Variants in SNX31 observed in about 807,000 individuals in gnomAD.
SNX31 encodes sorting nexin 31.
Under a neutral mutation model 65.4 loss-of-function variants are expected in SNX31, and 58 were observed. The observed-to-expected ratio is 0.89, with a 90% confidence interval of 0.72 to 1.10. The LOEUF is 1.10. Ranked by LOEUF, SNX31 falls within the 50% of genes least tolerant of loss-of-function variation. The pLI, the probability that SNX31 is intolerant of heterozygous loss-of-function variation, is 0.00. For synonymous variants in SNX31, 181 were observed against 190.1 expected, an observed-to-expected ratio of 0.95 and a Z score of 0.39; for missense variants, 523 against 529.7, an observed-to-expected ratio of 0.99 and a Z score of 0.12.
At position 100,635,912 on chromosome 8, in the gene SNX31, G is replaced by A; in HGVS notation, c.241C>T (p.Gln81Ter). 1 of 1,612,818 alleles carries A rather than the reference G, an allele frequency of 6.2e-7. No homozygotes were observed. Residue 81 changes from glutamine (Q) to a stop codon, truncating the protein, a stop_gained, in exon 3 of 14, where the codon CAA (glutamine) becomes TAA (stop). Transcript: ENST00000311812. LOFTEE classifies it high-confidence loss of function. ...AAATACATACCATTTTGCAAATATT[G>A]TTCCAGTTGGTCCCTCCTCTCATCA... ...MADERRDQLE[Q>*]YLQNVTMDPN...
upstream of SNX31, among the ~76,000 whole-genome samples, chr8:100,651,895 G>C (rs115921245): frequency 8.8e-3 from 1,346 of 152,342 alleles, 22 homozygotes; most frequent in African/African-American, 0.031. Flanking sequence ...TCTGCCTCTA[G>C]AGCCTGTGCT....
chr8:100,587,311 T>A (rs931299409), intron 11 of SNX31, among the ~76,000 whole-genome samples: 6 of 152,154 alleles, frequency 3.9e-5, no homozygotes, highest in African/African-American at 1.4e-4. Flanking sequence ...AATCCAAAAG[T>A]CCAAAATGTG....
intron 12 of SNX31, among the ~76,000 whole-genome samples, chr8:100,582,784 T>A (rs954168915): frequency 5.3e-5 from 8 of 151,628 alleles, no homozygotes; most frequent in African/African-American, 1.9e-4. Context: ...GAGACCATCC[T>A]GGCTAACGTG....
At chr8:100,658,574 C>T (rs1254114326) in intron 1 of SNX31, among the ~76,000 whole-genome samples, 1 of 152,160 alleles carries the variant, frequency 6.6e-6, no homozygotes, top group African/African-American at 2.4e-5. Context: ...ACACAACAAC[C>T]CTATGAAATA....
chr8:100,603,138 T>C (rs1815801790), intron 8 of SNX31, among the ~76,000 whole-genome samples: 1 of 152,194 alleles, frequency 6.6e-6, no homozygotes, highest in Non-Finnish European at 1.5e-5. Flanking sequence ...ACCCCAAGGC[T>C]TTCTCTGTGT....
chr8:100,652,646 G>T (rs916580792), upstream of SNX31, among the ~76,000 whole-genome samples: 1 of 151,956 alleles, frequency 6.6e-6, no homozygotes, highest in South Asian at 2.1e-4. Flanking sequence ...TCATCTACTT[G>T]GTGTGTAATC....
upstream of SNX31, among the ~76,000 whole-genome samples, chr8:100,652,464 C>T (rs758484452): frequency 3.2e-4 from 49 of 152,062 alleles, no homozygotes; most frequent in Admixed American, 7.2e-4. Flanking sequence ...ATGAGCCAGG[C>T]GCTGCAGTGA....
intron 10 of SNX31, among the ~76,000 whole-genome samples, chr8:100,589,816 G>A (rs1005387260): frequency 1.3e-5 from 2 of 152,186 alleles, no homozygotes; most frequent in African/African-American, 2.4e-5. Context: ...TAGTAATGGA[G>A]TCTCAAATAC....
At position 100,620,546 on chromosome 8, in the gene SNX31, C is replaced by G. The variant is rs1044433870; in HGVS notation, c.322-2816G>C. 4.6e-4 allele frequency among the ~76,000 whole-genome samples: 70 copies of G among 152,158 alleles called. 3 individuals carry two copies. Among genetic ancestry groups the G allele is most frequent in the Admixed American group, 4.6e-3 (70 of 15,280 alleles). On this transcript the variant is annotated intron_variant, in intron 4 of 13. Transcript: ENST00000311812. The stretch of plus-strand genomic sequence containing the variant: ...GAGAAAATCTGCTCTCTTCTACATT[C>G]AAAGGATTAGTCCAAAAAAAGCACT...
rs10598981 is a variant in SNX31 at position 100,645,606 on chromosome 8, A to ATTT, written c.141+3665_141+3667dup. Among the ~76,000 whole-genome samples, 909 of 106,686 alleles carry ATTT rather than the reference A, an allele frequency of 8.5e-3. 38 individuals carry two copies. Among genetic ancestry groups the ATTT allele is most frequent in the African/African-American group, 0.03 (778 of 25,568 alleles). 70.0% of individuals were successfully genotyped at this position (106,686 alleles called of 152,430 possible). On this transcript the variant is annotated intron_variant, in intron 2 of 13. Transcript: ENST00000311812. ...TCTAGCAACCCTACTCAGACTCTTC[A>ATTT]TTTTTTTTTTTTTTTTTTTTTTTGA...
chr8:100,600,390 G>T lies in SNX31; in HGVS notation c.733C>A (p.Gln245Lys), dbSNP rs543708490. 6.2e-7 allele frequency: 1 copy of T among 1,613,612 alleles called. No homozygotes were observed. The highest frequency in any genetic ancestry group is 1.3e-5 in the African/African-American group (1 of 74,964). The change falls in exon 9 of 14, where the codon CAG becomes AAG. Residue 245 changes from glutamine (Q) to lysine (K), a missense_variant. By Grantham distance (53) the Gln-to-Lys change is moderately conservative. Transcript: ENST00000311812. ...TCTTTCTGGAAAGCTTCTAATTTCTGCCTCTGTGCCTGTGTGGGTTTGGCC... is the reference window on the plus strand; with the variant it reads ...TCTTTCTGGAAAGCTTCTAATTTCTTCCTCTGTGCCTGTGTGGGTTTGGCC... Reference protein sequence around the residue: ...GWAKPTQAQRQKLEAFQKEDS... With the variant: ...GWAKPTQAQRKKLEAFQKEDS...
chr8:100,661,948 C>T (rs1027235433), intron 1 of SNX31, among the ~76,000 whole-genome samples: 5 of 152,124 alleles, frequency 3.3e-5, no homozygotes, highest in African/African-American at 4.8e-5. Context: ...CCTCAGCCTC[C>T]GGAGTAGCTG....
intron 2 of SNX31, among the ~76,000 whole-genome samples, chr8:100,641,235 T>G (rs1343360501): frequency 2.0e-5 from 3 of 151,944 alleles, no homozygotes; most frequent in East Asian, 1.9e-4. Flanking sequence ...GATCCTCATC[T>G]CTCATTTAAA....
At chr8:100,617,164 T>C (rs570327846) in intron 5 of SNX31, among the ~76,000 whole-genome samples, 1 of 152,196 alleles carries the variant, frequency 6.6e-6, no homozygotes, top group South Asian at 2.1e-4. Context: ...TTAGCCCTGA[T>C]GGAGCACTGG....
chr8:100,641,842 G>T (rs1176831892), intron 2 of SNX31, among the ~76,000 whole-genome samples: 1 of 150,518 alleles, frequency 6.6e-6, no homozygotes, highest in Non-Finnish European at 1.5e-5. Context: ...ACTTTGGGAG[G>T]CCGAGGCGGG....
intron 5 of SNX31, among the ~76,000 whole-genome samples, chr8:100,616,130 G>A (rs1586961586): frequency 6.6e-6 from 1 of 152,242 alleles, no homozygotes; most frequent in East Asian, 1.9e-4. Context: ...AAACTTATGG[G>A]ACCACCATTG....
rs1418616224 is a variant in SNX31 at position 100,610,197 on chromosome 8, C to T, written c.612-1634G>A. ...ATGCTGGCTAATAATTTGGGGTAGA[C>T]GTTTTCTCTTGCACGTATCATCTAG... On this transcript the variant is annotated intron_variant, in intron 7 of 13. Coordinates refer to ENST00000311812, the MANE Select transcript of SNX31 (RefSeq NM_152628.4). The surrounding 1 kb of genome is among the most constrained non-coding windows in gnomAD (Gnocchi z 4.0). 3.9e-5 allele frequency among the ~76,000 whole-genome samples: 6 copies of T among 152,146 alleles called. No individual in the cohort carries two copies. The highest frequency in any genetic ancestry group is 7.4e-5 in the Non-Finnish European group (5 of 68,014).
chr8:100,656,665 A>AAC (rs1820058103), intron 1 of SNX31, among the ~76,000 whole-genome samples: 1 of 151,412 alleles, frequency 6.6e-6, no homozygotes, highest in East Asian at 1.9e-4. Context: ...AAAAAAAAAA[A>AAC]ACCTTTAAGA....
upstream of SNX31, among the ~76,000 whole-genome samples, chr8:100,650,762 T>C (rs1222581261): frequency 6.6e-6 from 1 of 152,106 alleles, no homozygotes; most frequent in Non-Finnish European, 1.5e-5. Context: ...ATATAGTAGT[T>C]AAGAGAATGG....
Sources: allele counts gnomAD v4.1 joint callset (sites outside exome capture counted in the v4.1 genomes callset), GRCh38; gene constraint gnomAD v4.1.1; non-coding constraint Gnocchi (gnomAD v3.1); transcripts MANE v1.5; gene names NCBI Gene and HGNC (gene_info 2026-07-23, HGNC 2026-07-21).